The following SLC9B1 variants were observed in gnomAD, a reference collection of about 807,000 sequenced individuals.
The protein encoded by SLC9B1 is solute carrier family 9 member B1.
In SLC9B1, 32 loss-of-function variants were observed where a neutral mutation model predicts 51.7. The ratio of observed to expected loss-of-function variants is 0.62; its 90% confidence interval spans 0.47 to 0.83. The LOEUF (loss-of-function observed/expected upper bound fraction) is 0.83. SLC9B1 is among the 40% of genes least tolerant of loss of function. SLC9B1 has a pLI of 0.00. For missense variants in SLC9B1, 406 were observed against 613.2 expected (o/e 0.66, Z 3.57); for synonymous variants, 145 against 212.7 (o/e 0.68, Z 2.77).
intron 7 of SLC9B1, among the ~76,000 whole-genome samples, chr4:102,920,745 C>G (rs866643508): frequency 2.0e-5 from 3 of 152,066 alleles, no homozygotes; most frequent in African/African-American, 4.8e-5. Flanking sequence ...AACCTTGGCA[C>G]GAGAACTTTG....
intron 3 of SLC9B1, among the ~76,000 whole-genome samples, chr4:102,979,671 T>C (rs182442957): frequency 2.0e-3 from 312 of 152,304 alleles, no homozygotes; most frequent in African/African-American, 7.3e-3. Flanking sequence ...TAGTGTCTGT[T>C]CTCTACTGAC....
Position 102,905,516 on chromosome 4 carries a change from G to A in SLC9B1, c.1330C>T (p.Gln444Ter), listed in dbSNP as rs1735002599. The A allele has an allele frequency of 6.2e-7, 1 of 1,610,006 alleles. No individual in the cohort carries two copies. The highest frequency in any genetic ancestry group is 8.5e-7 in the Non-Finnish European group (1 of 1,178,508). The change falls in exon 11 of 12, where the codon CAG (glutamine) becomes TAG (stop). Residue 444 changes from glutamine (Q) to a stop codon, truncating the protein, a stop_gained and splice_region_variant. Coordinates refer to ENST00000296422, the MANE Select transcript of SLC9B1 (RefSeq NM_139173.4). LOFTEE classifies it low-confidence loss of function (END_TRUNC). ...CAACAGGCTTAATATGTTCTTACCT[G>A]TACTGTAGCTTTGGGCATCCATGCT... ...ALAWMPKATV[Q>*]AVLGPLALET...
At chr4:102,929,694 G>C (rs1349755707) in intron 7 of SLC9B1, among the ~76,000 whole-genome samples, 1 of 152,120 alleles carries the variant, frequency 6.6e-6, no homozygotes, top group Non-Finnish European at 1.5e-5. Context: ...CTAACTTTTT[G>C]TATTTTTAGT....
intron 7 of SLC9B1, among the ~76,000 whole-genome samples, chr4:102,918,137 C>A (rs1281273196): frequency 1.5e-5 from 2 of 134,396 alleles, no homozygotes; most frequent in African/African-American, 2.8e-5. Context: ...TTTCAAAGTT[C>A]AACAAAATTG....
At chr4:102,945,115 C>G in intron 6 of SLC9B1, 78 bp downstream of exon 6, 1 of 1,343,668 alleles carries the variant, frequency 7.4e-7, no homozygotes. Context: ...TTCTATACAA[C>G]ATTCTGAATA....
At chr4:102,889,864 G>A (rs1734148467) in intron 11 of SLC9B1, 1 of 152,090 alleles carries the variant, frequency 6.6e-6, no homozygotes, top group Non-Finnish European at 1.5e-5. Flanking sequence ...TTGAATTGAT[G>A]CAGTGTAAGT....
chr4:102,921,481 T>C (rs146833732), intron 7 of SLC9B1, among the ~76,000 whole-genome samples: 587 of 152,238 alleles, frequency 3.9e-3, no homozygotes, highest in Non-Finnish European at 6.0e-3. Context: ...AGACCATCAA[T>C]GCTAGGAAGA....
intron 1 of SLC9B1, among the ~76,000 whole-genome samples, chr4:103,018,494 T>C (rs963427304): frequency 1.3e-5 from 2 of 152,216 alleles, no homozygotes; most frequent in Non-Finnish European, 2.9e-5. Flanking sequence ...ATGAATTCTC[T>C]AGGGGTGACA....
At chr4:102,914,476 C>T (rs1336534925) in intron 7 of SLC9B1, among the ~76,000 whole-genome samples, 1 of 151,964 alleles carries the variant, frequency 6.6e-6, no homozygotes, top group Non-Finnish European at 1.5e-5. Context: ...CAGAGTCAAA[C>T]CATGAACTGA....
intron 9 of SLC9B1, among the ~76,000 whole-genome samples, chr4:102,908,401 T>TC (rs1735163498): frequency 1.2e-5 from 1 of 83,878 alleles, no homozygotes; most frequent in Admixed American, 1.3e-4. Context: ...TATATATATA[T>TC]ACATACACAC....
chr4:102,929,317 A>G (rs1210927598), intron 7 of SLC9B1, among the ~76,000 whole-genome samples: 5 of 152,196 alleles, frequency 3.3e-5, no homozygotes, highest in Non-Finnish European at 7.3e-5. Flanking sequence ...TCAGACTGCC[A>G]GATTTGCATC....
intron 11 of SLC9B1, chr4:102,892,088 TG>T (rs1352232496): frequency 6.6e-6 from 1 of 152,226 alleles, no homozygotes; most frequent in African/African-American, 2.4e-5. Flanking sequence ...AGACAAAGTC[TG>T]GCCCTGTCAC....
At chr4:102,910,325 G>T in intron 9 of SLC9B1, 114 bp downstream of exon 9, 1 of 856,788 alleles carries the variant, frequency 1.2e-6, no homozygotes, top group Non-Finnish European at 1.7e-6. Flanking sequence ...ACACTTTCTT[G>T]AGGACAGAAA....
At chr4:102,993,821 C>T (rs143003707) in intron 1 of SLC9B1, among the ~76,000 whole-genome samples, 14 of 152,330 alleles carry the variant, frequency 9.2e-5, no homozygotes, top group East Asian at 1.9e-4. Flanking sequence ...CCTAACACCA[C>T]GTGTAAGCTG....
intron 6 of SLC9B1, among the ~76,000 whole-genome samples, chr4:102,938,704 G>T (rs904980765): frequency 3.3e-5 from 5 of 152,092 alleles, no homozygotes; most frequent in African/African-American, 1.2e-4. Flanking sequence ...AATAAAAATA[G>T]AAGTCAACAC....
intron 3 of SLC9B1, among the ~76,000 whole-genome samples, chr4:102,987,447 C>T (rs1739687873): frequency 6.6e-6 from 1 of 152,022 alleles, no homozygotes; most frequent in Admixed American, 6.6e-5. Context: ...ATCACTCTGT[C>T]CTAAAAACAA....
intron 7 of SLC9B1, among the ~76,000 whole-genome samples, chr4:102,930,930 T>A (rs942822488): frequency 1.1e-4 from 16 of 151,932 alleles, no homozygotes; most frequent in African/African-American, 2.9e-4. Context: ...ATTCAGGTTA[T>A]AAGAACATAT....
rs532979476 is a variant in SLC9B1 at position 103,000,615 on chromosome 4, G to A, written c.-1-8903C>T. Among the ~76,000 whole-genome samples the A allele has an allele frequency of 5.9e-5, 9 of 152,320 alleles. No homozygotes were observed. The South Asian group carries it at 1.9e-3, about 32-fold the overall frequency. On this transcript the variant is annotated intron_variant, in intron 1 of 11. Coordinates refer to ENST00000296422, the MANE Select transcript of SLC9B1 (RefSeq NM_139173.4). ...CCCACGTAAGTCTAAAATCCAGTGG[G>A]GGCAGTCATTAAACCTTAAAGCTCC...
intron 1 of SLC9B1, among the ~76,000 whole-genome samples, chr4:103,007,882 C>T (rs777613241): frequency 3.3e-5 from 5 of 152,064 alleles, no homozygotes; most frequent in Non-Finnish European, 7.4e-5. Flanking sequence ...GGGCATAGTA[C>T]TATCTGTTTT....
Sources: allele counts gnomAD v4.1 joint callset (sites outside exome capture counted in the v4.1 genomes callset), GRCh38; gene constraint gnomAD v4.1.1; transcripts MANE v1.5; gene names NCBI Gene and HGNC (gene_info 2026-07-23, HGNC 2026-07-21).